The following CTNNA2 variants were observed in gnomAD, a reference collection of about 807,000 sequenced individuals.
CTNNA2 encodes the protein catenin alpha-2.
In CTNNA2, 42 loss-of-function variants were observed where a neutral mutation model predicts 101.0. The observed-to-expected ratio is 0.42, with a 90% confidence interval of 0.32 to 0.54. The LOEUF (loss-of-function observed/expected upper bound fraction) is 0.54. Ranked by LOEUF, CTNNA2 falls within the 20% of genes least tolerant of loss-of-function variation. CTNNA2 has a pLI of 0.14. For missense variants in CTNNA2, 871 were observed against 1,223.1 expected, an observed-to-expected ratio of 0.71 and a Z score of 4.29; for synonymous variants, 450 against 456.4, an observed-to-expected ratio of 0.99 and a Z score of 0.18.
intron 1 of CTNNA2, among the ~76,000 whole-genome samples, chr2:79,538,244 A>G (rs1324261013): frequency 9.6e-5 from 1 of 10,376 alleles, no homozygotes; most frequent in Non-Finnish European, 1.9e-4. Context: ...TGATTATTCG[A>G]AAAAAAAACC....
intron 9 of CTNNA2, among the ~76,000 whole-genome samples, chr2:80,540,344 C>T (rs1026189221): frequency 6.6e-6 from 1 of 152,118 alleles, no homozygotes; most frequent in African/African-American, 2.4e-5. Flanking sequence ...TGCCTGTAAT[C>T]CTAGCACTTT....
chr2:79,374,772 T>C (rs1376516879), intron 4 of CTNNA2, among the ~76,000 whole-genome samples: 1 of 152,154 alleles, frequency 6.6e-6, no homozygotes, highest in Non-Finnish European at 1.5e-5. Context: ...TGAGATTTTT[T>C]TTCCTCCCAT....
In CTNNA2 at chr2:79,527,878, G is replaced by A. The variant is rs904657873; in HGVS notation, c.-6+14671G>A. 6.6e-5 allele frequency among the ~76,000 whole-genome samples: 10 copies of A among 152,242 alleles called. No individual in the cohort carries two copies. The East Asian group carries it at 1.9e-3, about 29-fold the overall frequency. On this transcript the variant is annotated intron_variant, in intron 1 of 18. Coordinates refer to ENST00000402739, the MANE Select transcript of CTNNA2 (RefSeq NM_001282597.3). ...ACTCTGTACATTTATATCCATAGCA[G>A]CATTATTTATGATAGCCAAAAAGTT...
At chr2:80,058,975 C>T (rs984745081) in intron 7 of CTNNA2, among the ~76,000 whole-genome samples, 1 of 152,218 alleles carries the variant, frequency 6.6e-6, no homozygotes, top group Non-Finnish European at 1.5e-5. Context: ...AAGCAGCTCC[C>T]TAATTGACAT....
chr2:80,581,554 C>T (rs941482649), intron 13 of CTNNA2, 152 bp from the exon 14 acceptor site: 255 of 481,642 alleles, frequency 5.3e-4, no homozygotes, highest in African/African-American at 9.0e-4. Flanking sequence ...GACTGCATTC[C>T]GGCTAATACT....
intron 13 of CTNNA2, among the ~76,000 whole-genome samples, chr2:80,580,703 A>G (rs895787775): frequency 2.0e-5 from 3 of 152,172 alleles, no homozygotes; most frequent in African/African-American, 7.2e-5. Context: ...TGTTGAATGA[A>G]TTGATTTAAA....
chr2:80,403,926 TG>T (rs1174470886), intron 8 of CTNNA2, among the ~76,000 whole-genome samples: 1 of 152,256 alleles, frequency 6.6e-6, no homozygotes, highest in Admixed American at 6.5e-5. Context: ...GATTTGTGTA[TG>T]TTGAACCAGC....
chr2:79,622,742 G>A (rs554120953), intron 1 of CTNNA2, among the ~76,000 whole-genome samples: 10 of 152,164 alleles, frequency 6.6e-5, no homozygotes, highest in South Asian at 6.2e-4. Flanking sequence ...CTCTGGCCTC[G>A]GACTTCTTCT....
intron 3 of CTNNA2, among the ~76,000 whole-genome samples, chr2:79,810,273 CA>C (rs1676904273): frequency 6.6e-6 from 1 of 151,868 alleles, no homozygotes; most frequent in East Asian, 1.9e-4. Flanking sequence ...TGGCAGAAGG[CA>C]AAAGGTCTTA....
chr2:80,039,386 C>T (rs1032258283), intron 7 of CTNNA2, among the ~76,000 whole-genome samples: 1 of 152,136 alleles, frequency 6.6e-6, no homozygotes, highest in African/African-American at 2.4e-5. Flanking sequence ...AATGTGGAGC[C>T]CACGGGCAGT....
At chr2:80,174,945 A>G (rs971269169) in intron 7 of CTNNA2, among the ~76,000 whole-genome samples, 1 of 151,812 alleles carries the variant, frequency 6.6e-6, no homozygotes, top group African/African-American at 2.4e-5. Flanking sequence ...TGAATCTAAT[A>G]TCACCCTCAC....
intron 7 of CTNNA2, chr2:80,288,528 C>G (rs1338361032): frequency 6.6e-6 from 1 of 152,166 alleles, no homozygotes; most frequent in African/African-American, 2.4e-5. Flanking sequence ...AAACAGCTGG[C>G]AGTTGTTGAA....
chr2:79,928,538 G>A (rs1687182936), intron 7 of CTNNA2, among the ~76,000 whole-genome samples: 2 of 152,142 alleles, frequency 1.3e-5, no homozygotes, highest in African/African-American at 4.8e-5. Flanking sequence ...AGAGAATAGG[G>A]TATTTTGTTG....
At chr2:79,213,945 G>A (rs1674212131) in intron 2 of CTNNA2, among the ~76,000 whole-genome samples, 1 of 152,144 alleles carries the variant, frequency 6.6e-6, no homozygotes. Flanking sequence ...CAGACATGAG[G>A]GCTAGGCTAA....
At chr2:80,603,772 G>C in intron 15 of CTNNA2, 1 of 307,172 alleles carries the variant, frequency 3.3e-6, no homozygotes, top group Non-Finnish European at 6.1e-6. Flanking sequence ...TTGGTACACG[G>C]TAAGCAACTA....
chr2:80,260,645 AG>A lies in CTNNA2; in HGVS notation c.1057-132565del, dbSNP rs756907641. Among the ~76,000 whole-genome samples the A allele has an allele frequency of 9.8e-4, 149 of 152,332 alleles. 1 individual carries two copies. The highest frequency in any genetic ancestry group is 3.4e-3 in the Middle Eastern group (1 of 294). On this transcript the variant is annotated intron_variant, in intron 7 of 18. Transcript: ENST00000402739. ...CCAATGGAAGAATGCAGAGACACCA[AG>A]ATGCATGGATAGGCCAGAGACTGAG...
intron 7 of CTNNA2, among the ~76,000 whole-genome samples, chr2:80,043,040 CTTCTTTCT>C (rs1173555945): frequency 7.2e-4 from 38 of 52,816 alleles, no homozygotes; most frequent in Non-Finnish European, 1.2e-3. Context: ...TCTTTCTTTC[CTTCTTTCT>C]TTCTTTCTTT....
At chr2:79,581,440 G>A (rs1401890342) in intron 1 of CTNNA2, among the ~76,000 whole-genome samples, 1 of 152,038 alleles carries the variant, frequency 6.6e-6, no homozygotes, top group Non-Finnish European at 1.5e-5. Context: ...CAGGAGAATT[G>A]CTTGAACCCT....
intron 7 of CTNNA2, among the ~76,000 whole-genome samples, chr2:80,220,574 AGAGT>A (rs1378079869): frequency 1.3e-5 from 2 of 152,172 alleles, no homozygotes; most frequent in Non-Finnish European, 2.9e-5. Context: ...ATAAAATTAA[AGAGT>A]TAAGAAAAGA....
Sources: gnomAD v4.1 joint callset for allele counts (sites outside exome capture counted in the v4.1 genomes callset) on GRCh38, gnomAD v4.1.1 for gene constraint, MANE v1.5 for transcripts, NCBI Gene and HGNC (gene_info 2026-07-23, HGNC 2026-07-21) for gene names.